PACRG: variants seen among roughly 807,000 people sequenced by gnomAD.
PACRG encodes parkin coregulated gene protein.
Under a neutral mutation model 29.7 loss-of-function variants are expected in PACRG, and 29 were observed. The ratio of observed to expected loss-of-function variants is 0.98; its 90% CI spans 0.73 to 1.33. The LOEUF is 1.33. Ranked by LOEUF, PACRG falls within the 40% of genes most tolerant of loss-of-function variation. The pLI, the probability that PACRG is intolerant of heterozygous loss-of-function variation, is 0.00. For missense variants in PACRG, 279 were observed against 316.2 expected (o/e 0.88, Z 0.89); for synonymous variants, 116 against 118.7 (o/e 0.98, Z 0.15).
intron 1 of PACRG, among the ~76,000 whole-genome samples, chr6:162,757,953 C>T (rs73601948): frequency 0.045 from 6,766 of 152,006 alleles, 513 homozygotes; most frequent in African/African-American, 0.15. Flanking sequence ...AAATTATACT[C>T]GAATTATTCT....
intron 4 of PACRG, chr6:163,179,438 G>A (rs549161626): frequency 1.3e-5 from 4 of 309,242 alleles, no homozygotes; most frequent in African/African-American, 6.6e-5. Context: ...GGTGGCTCAC[G>A]CTTGTAATCC....
intron 2 of PACRG, among the ~76,000 whole-genome samples, chr6:162,988,763 G>A (rs1006381919): frequency 4.6e-5 from 7 of 151,988 alleles, no homozygotes; most frequent in African/African-American, 1.7e-4. Context: ...ATCTCTTAAT[G>A]GAAAATTAAG....
chr6:162,829,555 C>A (rs1015076263), intron 2 of PACRG, among the ~76,000 whole-genome samples: 1 of 152,170 alleles, frequency 6.6e-6, no homozygotes. Context: ...GTCATAAGTA[C>A]AGTCATGAGC....
At chr6:162,769,233 C>T (rs1783025923) in intron 1 of PACRG, among the ~76,000 whole-genome samples, 1 of 151,992 alleles carries the variant, frequency 6.6e-6, no homozygotes, top group Non-Finnish European at 1.5e-5. Flanking sequence ...AGACAGTTGT[C>T]ATAGGGAGTG....
chr6:162,773,720 T>C (rs911999737), intron 1 of PACRG, among the ~76,000 whole-genome samples: 16 of 151,894 alleles, frequency 1.1e-4, no homozygotes, highest in Non-Finnish European at 1.9e-4. Flanking sequence ...TTTCACCTTG[T>C]TAGCCAGGAT....
chr6:163,092,572 T>C (rs1254546243), intron 4 of PACRG, among the ~76,000 whole-genome samples: 1 of 152,232 alleles, frequency 6.6e-6, no homozygotes, highest in Non-Finnish European at 1.5e-5. Flanking sequence ...TGAATGGTAG[T>C]GTAGACTAAA....
chr6:163,254,944 C>A (rs1783050092), intron 4 of PACRG, among the ~76,000 whole-genome samples: 1 of 152,212 alleles, frequency 6.6e-6, no homozygotes, highest in South Asian at 2.1e-4. Flanking sequence ...TTTTTCTAAT[C>A]AACTATTTAA....
chr6:162,876,954 G>A (rs976180768), intron 2 of PACRG, among the ~76,000 whole-genome samples: 15 of 152,202 alleles, frequency 9.9e-5, no homozygotes, highest in Admixed American at 6.5e-4. Context: ...TGGAGAGGAT[G>A]TGGAGAAATA....
chr6:163,041,064 G>T (rs934168603), intron 2 of PACRG, among the ~76,000 whole-genome samples: 1 of 152,116 alleles, frequency 6.6e-6, no homozygotes, highest in Non-Finnish European at 1.5e-5. Context: ...TCAGCCGGGT[G>T]CAGTGGCTCA....
rs763341566 is a variant in PACRG at position 162,803,956 on chromosome 6, A to G, written c.157-10191A>G. 1.9e-3 allele frequency among the ~76,000 whole-genome samples: 289 copies of G among 152,316 alleles called. 1 individual carries two copies. The highest frequency in any genetic ancestry group is 6.6e-3 in the African/African-American group (274 of 41,592). On this transcript the variant is annotated intron_variant, in intron 1 of 4. Transcript: ENST00000366888. Reference sequence around the variant, plus strand: ...TAATTACAATAGGCAAAAAATTGAAATAATATAAATTCCAAATATAATGGC... The same window carrying G: ...TAATTACAATAGGCAAAAAATTGAAGTAATATAAATTCCAAATATAATGGC...
In PACRG at chr6:163,035,476, G is replaced by A. The variant is rs144422004; in HGVS notation, c.292-26674G>A. Among the ~76,000 whole-genome samples, 116 of 152,182 alleles carry A rather than the reference G, an allele frequency of 7.6e-4. 3 individuals are homozygous for A. The East Asian group carries it at 0.015, about 20-fold the overall frequency. On this transcript the variant is annotated intron_variant, in intron 2 of 4. Coordinates refer to ENST00000366888, the MANE Select transcript of PACRG (RefSeq NM_001080379.2). ...AGCCTGGCCAACATGGTGAAATTCC[G>A]TCTCTACTAAAAATACAAAAATTAG...
chr6:163,050,444 A>G (rs932610795), intron 2 of PACRG, among the ~76,000 whole-genome samples: 8 of 152,238 alleles, frequency 5.3e-5, no homozygotes, highest in South Asian at 2.1e-4. Flanking sequence ...TTGATGATTT[A>G]AAAAACTCAT....
intron 1 of PACRG, among the ~76,000 whole-genome samples, chr6:162,758,327 C>T (rs895418233): frequency 8.5e-5 from 13 of 152,148 alleles, no homozygotes; most frequent in African/African-American, 2.7e-4. Flanking sequence ...GATATCTGCA[C>T]ATGACCCTAA....
At chr6:163,160,416 T>G (rs1433082644) in intron 4 of PACRG, among the ~76,000 whole-genome samples, 1 of 152,182 alleles carries the variant, frequency 6.6e-6, no homozygotes, top group Non-Finnish European at 1.5e-5. Context: ...TACCACAGAG[T>G]TAACTCAAGT....
chr6:163,194,085 G>T (rs531308612), intron 4 of PACRG, among the ~76,000 whole-genome samples: 1 of 152,118 alleles, frequency 6.6e-6, no homozygotes, highest in South Asian at 2.1e-4. Flanking sequence ...TAGAGACAGG[G>T]TTTTGCCATG....
chr6:163,311,753 G>A (rs76081715), intron 4 of PACRG, among the ~76,000 whole-genome samples: 1,572 of 148,850 alleles, frequency 0.011, 19 homozygotes, highest in South Asian at 0.031. Flanking sequence ...TTTATCATTT[G>A]AGGTTATACA....
intron 3 of PACRG, among the ~76,000 whole-genome samples, chr6:163,081,912 C>G (rs1436114044): frequency 6.6e-6 from 1 of 152,094 alleles, no homozygotes; most frequent in Non-Finnish European, 1.5e-5. Context: ...AAATTCTAGC[C>G]TCTGTCACCT....
chr6:163,072,589 T>A (rs1334546333), intron 3 of PACRG, among the ~76,000 whole-genome samples: 1 of 152,126 alleles, frequency 6.6e-6, no homozygotes, highest in Non-Finnish European at 1.5e-5. Context: ...TTCAACGTAG[T>A]ACTGGAAGTC....
intron 4 of PACRG, among the ~76,000 whole-genome samples, chr6:163,301,600 G>A (rs1432790492): frequency 6.6e-6 from 1 of 152,140 alleles, no homozygotes; most frequent in Non-Finnish European, 1.5e-5. Flanking sequence ...TAAAAGTGTT[G>A]CTCCTTTGTG....
Sources: gnomAD v4.1 joint callset for allele counts (sites outside exome capture counted in the v4.1 genomes callset) on GRCh38, gnomAD v4.1.1 for gene constraint, MANE v1.5 for transcripts, NCBI Gene and HGNC (gene_info 2026-07-23, HGNC 2026-07-21) for gene names.